The following RAI1 variants were observed in gnomAD, a reference collection of about 807,000 sequenced individuals.
The protein encoded by RAI1 is retinoic acid-induced protein 1.
In RAI1, 9 loss-of-function variants were observed where a neutral mutation model predicts 123.8. The ratio of observed to expected loss-of-function variants is 0.07; its 90% CI spans 0.04 to 0.13. RAI1 has a LOEUF of 0.13. RAI1 is among the 10% of genes least tolerant of loss of function. The pLI, the probability that RAI1 is intolerant of heterozygous loss-of-function variation, is 1.00. For missense variants in RAI1, 2,256 were observed against 2,545.8 expected (o/e 0.89, Z 2.45); for synonymous variants, 1,231 against 1,127.3 (o/e 1.09, Z -1.84).
chr17:17,694,669 G>T (rs1313248385), intron 1 of RAI1, among the ~76,000 whole-genome samples: 1 of 151,610 alleles, frequency 6.6e-6, no homozygotes, highest in East Asian at 1.9e-4. Context: ...AGCCTCCTCC[G>T]CGGTGGCGTC....
intron 1 of RAI1, among the ~76,000 whole-genome samples, chr17:17,702,352 A>G (rs1257035714): frequency 1.3e-5 from 2 of 152,204 alleles, no homozygotes; most frequent in Non-Finnish European, 2.9e-5. Context: ...ACCTCATCCC[A>G]GGATGCAGCC....
At chr17:17,695,114 C>T (rs976072562) in intron 1 of RAI1, among the ~76,000 whole-genome samples, 7 of 152,172 alleles carry the variant, frequency 4.6e-5, no homozygotes, top group African/African-American at 1.2e-4. Context: ...GACTGGACCC[C>T]TACCGCTTGG....
At chr17:17,763,943 T>C (rs1188121259) in intron 2 of RAI1, among the ~76,000 whole-genome samples, 1 of 152,248 alleles carries the variant, frequency 6.6e-6, no homozygotes, top group East Asian at 1.9e-4. Context: ...TTAGGGCTAT[T>C]TTCGTGGCAC....
At chr17:17,750,211 G>A (rs959380712) in intron 2 of RAI1, among the ~76,000 whole-genome samples, 1 of 152,236 alleles carries the variant, frequency 6.6e-6, no homozygotes, top group Non-Finnish European at 1.5e-5. Context: ...ACAGGTTTTC[G>A]TGACTCCAAA....
intron 1 of RAI1, among the ~76,000 whole-genome samples, chr17:17,697,283 A>G (rs1311916173): frequency 6.6e-6 from 1 of 152,250 alleles, no homozygotes; most frequent in Non-Finnish European, 1.5e-5. Flanking sequence ...TACTGGATGG[A>G]AAAATCACAG....
chr17:17,793,359 G>C lies in RAI1; in HGVS notation c.411G>C (p.Gly137=), dbSNP rs1246825329. Residue 137 remains glycine, a synonymous_variant, in exon 3 of 6, where the codon GGG becomes GGC. Transcript: ENST00000353383. ...CACAGCCGCAGCCACTACCTGCAGG[G>C]GTGGCCAAGTATGATGAGAACTTGA... ...PPPQPQPLPA[G]VAKYDENLMK... The C allele has an allele frequency of 6.2e-7, 1 of 1,613,084 alleles. No individual in the cohort carries two copies. Among genetic ancestry groups the C allele is most frequent in the South Asian group, 1.1e-5 (1 of 91,080 alleles).
chr17:17,770,624 T>G (rs1598067246), intron 2 of RAI1, among the ~76,000 whole-genome samples: 1 of 121,956 alleles, frequency 8.2e-6, no homozygotes, highest in African/African-American at 3.1e-5. Context: ...GCCAGGGAGG[T>G]CCATGGGGGT....
At chr17:17,717,260 G>A (rs745674075) in intron 1 of RAI1, among the ~76,000 whole-genome samples, 1 of 152,186 alleles carries the variant, frequency 6.6e-6, no homozygotes, top group African/African-American at 2.4e-5. Context: ...TGGCCCAGGG[G>A]TAAGTTTGAG....
chr17:17,736,395 G>C (rs778468488), intron 2 of RAI1, among the ~76,000 whole-genome samples: 14 of 152,188 alleles, frequency 9.2e-5, no homozygotes, highest in Non-Finnish European at 1.6e-4. Context: ...CTTTGTCCTT[G>C]CTCTGGGATA....
intron 2 of RAI1, among the ~76,000 whole-genome samples, chr17:17,734,706 C>G (rs981588427): frequency 6.6e-6 from 1 of 152,234 alleles, no homozygotes; most frequent in Non-Finnish European, 1.5e-5. Context: ...ATGTGCGGGT[C>G]AGAGCGTGTA....
At chr17:17,689,291 C>T (rs1332209599) in intron 1 of RAI1, among the ~76,000 whole-genome samples, 3 of 152,156 alleles carry the variant, frequency 2.0e-5, no homozygotes, top group Non-Finnish European at 2.9e-5. Context: ...CATGCCAGGT[C>T]ACATCTAACC....
intron 2 of RAI1, among the ~76,000 whole-genome samples, chr17:17,754,908 A>C (rs887880759): frequency 1.3e-5 from 2 of 152,236 alleles, no homozygotes; most frequent in African/African-American, 4.8e-5. Context: ...AGATCAGGAA[A>C]ACTGAGGCTC....
intron 1 of RAI1, among the ~76,000 whole-genome samples, chr17:17,702,798 C>A (rs879152038): frequency 6.6e-6 from 1 of 152,210 alleles, no homozygotes; most frequent in Admixed American, 6.5e-5. Context: ...TCTCATTTTG[C>A]AGATGCAGAC....
In RAI1 at chr17:17,797,207, C is replaced by T; in HGVS notation, c.4259C>T (p.Ser1420Phe). Residue 1420 changes from serine to phenylalanine, a missense_variant, in exon 3 of 6, where the codon TCT becomes TTT. By Grantham distance (155) the Ser-to-Phe change is radical. This residue lies in a region of RAI1 where 410 missense variants were observed against 374.6 expected (regional missense o/e 1.09). Transcript: ENST00000353383. The part of the protein sequence containing the change: ...GKLMNSKKLS[S>F]TDCFKTEAFT... The stretch of plus-strand genomic sequence containing the variant: ...CTCATGAACAGTAAGAAACTGTCTT[C>T]TACTGACTGTTTCAAAACCGAGGCC... The T allele has an allele frequency of 6.2e-7, 1 of 1,613,802 alleles. No homozygotes were observed. The highest frequency in any genetic ancestry group is 1.6e-4 in the Middle Eastern group (1 of 6,062).
In RAI1 at chr17:17,795,793, A is replaced by G. The variant is rs961460898; in HGVS notation, c.2845A>G (p.Met949Val). The change falls in exon 3 of 6, where the codon ATG (methionine) becomes GTG (valine). Residue 949 changes from methionine (M) to valine (V), a missense_variant. Around this residue, in one of 7 missense-constraint regions of RAI1, gnomAD observed 566 missense variants for 616.0 expected, o/e 0.92. Transcript: ENST00000353383. The surrounding 1 kb of genome is among the most constrained non-coding windows in gnomAD (Gnocchi z 5.9). ...QSWFESSLSHMKPGEEGPDGE... is the reference protein window; with the variant it reads ...QSWFESSLSHVKPGEEGPDGE... ...CTGGTTTGAGTCCTCTCTGTCACAC[A>G]TGAAGCCAGGTGAAGAGGGGCCTGA... 1.2e-6 allele frequency: 2 copies of G among 1,613,548 alleles called. No individual in the cohort carries two copies. The highest frequency in any genetic ancestry group is 1.7e-6 in the Non-Finnish European group (2 of 1,180,022).
intron 2 of RAI1, among the ~76,000 whole-genome samples, chr17:17,730,573 GACCAGA>G (rs1916237420): frequency 6.6e-6 from 1 of 152,208 alleles, no homozygotes; most frequent in South Asian, 2.1e-4. Flanking sequence ...GCACCCCTAC[GACCAGA>G]TTTAGACCTG....
At chr17:17,757,465 C>T (rs1346951319) in intron 2 of RAI1, among the ~76,000 whole-genome samples, 1 of 152,320 alleles carries the variant, frequency 6.6e-6, no homozygotes, top group East Asian at 1.9e-4. Context: ...GACAGCCTGG[C>T]TGCAGCGGGG....
chr17:17,730,441 A>G lies in RAI1; in HGVS notation c.-17+6282A>G, dbSNP rs148955746. 3.3e-3 allele frequency among the ~76,000 whole-genome samples: 504 copies of G among 152,360 alleles called. 7 individuals are homozygous for G. Among genetic ancestry groups the G allele is most frequent in the East Asian group, 0.03 (154 of 5,186 alleles). ...TGGCCCTCATGGGGCGCGGTAGCTC[A>G]GCTCTGCCAGGGCAGCCCATGGGGA... On this transcript the variant is annotated intron_variant, in intron 2 of 5. Coordinates refer to ENST00000353383, the MANE Select transcript of RAI1 (RefSeq NM_030665.4).
chr17:17,793,073 G>A lies in RAI1; in HGVS notation c.125G>A (p.Arg42Gln), dbSNP rs200367247. ...QPSQAGLSCD[R>Q]QRLLAKDYYN... is the part of the protein sequence containing the mutation. ...AGTCAGGCCGGGCTAAGCTGCGACC[G>A]GCAGCGGCTGCTCGCCAAGGACTAT... is the stretch of plus-strand genomic sequence containing the variant. Residue 42 changes from arginine to glutamine, a missense_variant, in exon 3 of 6, where the codon CGG (arginine) becomes CAG (glutamine). Physicochemically the swap from Arg to Gln is conservative, Grantham distance 43 (BLOSUM62 1). Transcript: ENST00000353383. The A allele has an allele frequency of 4.6e-5, 74 of 1,613,566 alleles. No individual in the cohort carries two copies. Among genetic ancestry groups the A allele is most frequent in the South Asian group, 6.6e-5 (6 of 91,090 alleles).
Sources: gnomAD v4.1 joint callset for allele counts (sites outside exome capture counted in the v4.1 genomes callset) on GRCh38, gnomAD v4.1.1 for gene constraint, gnomAD v4.1.1 regional missense constraint, Gnocchi (gnomAD v3.1) non-coding constraint, MANE v1.5 for transcripts, NCBI Gene and HGNC (gene_info 2026-07-23, HGNC 2026-07-21) for gene names.